KIF16B: variants seen among roughly 807,000 people sequenced by gnomAD.
KIF16B encodes the protein kinesin-like protein KIF16B.
A neutral mutation model predicts 156.3 loss-of-function variants in KIF16B; 98 were observed. That is an observed-to-expected ratio of 0.63 (90% CI 0.53 to 0.74). The LOEUF is 0.74. Among genes scored for constraint, KIF16B ranks in the 30% least tolerant of loss-of-function variants. The probability of loss-of-function intolerance (pLI) is 0.00; values close to 1 mark genes in which losing one functional copy is unlikely to be tolerated. For missense variants in KIF16B, 1,421 were observed against 1,606.5 expected (o/e 0.88, Z 1.97); for synonymous variants, 564 against 583.7 (o/e 0.97, Z 0.49).
intron 1 of KIF16B, among the ~76,000 whole-genome samples, chr20:16,553,056 G>A (rs1377129585): frequency 6.6e-6 from 1 of 152,186 alleles, no homozygotes; most frequent in Non-Finnish European, 1.5e-5. Flanking sequence ...ATGAGCCACC[G>A]TACCCGGCCT....
intron 12 of KIF16B, among the ~76,000 whole-genome samples, chr20:16,449,718 G>A (rs1189116863): frequency 6.6e-6 from 1 of 152,176 alleles, no homozygotes; most frequent in Non-Finnish European, 1.5e-5. Context: ...ATACAATTAT[G>A]AATAACAGGA....
intron 24 of KIF16B, among the ~76,000 whole-genome samples, chr20:16,315,200 A>G (rs1273967985): frequency 1.3e-5 from 2 of 152,274 alleles, no homozygotes; most frequent in East Asian, 3.9e-4. Context: ...AGATGGAGGA[A>G]GCATTCTGTG....
At chr20:16,483,975 C>T (rs1417768925) in intron 12 of KIF16B, among the ~76,000 whole-genome samples, 1 of 152,080 alleles carries the variant, frequency 6.6e-6, no homozygotes, top group Non-Finnish European at 1.5e-5. Flanking sequence ...AATGCAGCAT[C>T]CGCTGAGTAC....
At chr20:16,366,740 C>T in intron 22 of KIF16B, 1 of 660,812 alleles carries the variant, frequency 1.5e-6, no homozygotes, top group Non-Finnish European at 1.9e-6. Context: ...ATGAAGGTCA[C>T]TGCTAGACTG....
At chr20:16,325,571 A>C (rs2063833137) in intron 24 of KIF16B, among the ~76,000 whole-genome samples, 1 of 147,298 alleles carries the variant, frequency 6.8e-6, no homozygotes, top group Non-Finnish European at 1.5e-5. Context: ...AAAAAAAAAA[A>C]ACTTAGAAAT....
intron 12 of KIF16B, among the ~76,000 whole-genome samples, chr20:16,445,591 A>T (rs1477085093): frequency 6.6e-6 from 1 of 151,910 alleles, no homozygotes; most frequent in Non-Finnish European, 1.5e-5. Flanking sequence ...AGCCTTGATG[A>T]CCTTTTTCTG....
At chr20:16,554,022 G>A (rs990638682) in intron 1 of KIF16B, among the ~76,000 whole-genome samples, 14 of 152,200 alleles carry the variant, frequency 9.2e-5, no homozygotes, top group East Asian at 1.9e-4. Flanking sequence ...GCAGCTCAGC[G>A]CCGGCCTGCA....
chr20:16,349,879 T>C, intron 23 of KIF16B, among the ~76,000 whole-genome samples: 1 of 152,216 alleles, frequency 6.6e-6, no homozygotes, highest in South Asian at 2.1e-4. Flanking sequence ...CTGACTGAAA[T>C]TAGAAGGGGG....
Position 16,506,197 on chromosome 20 carries a change from TA to T in KIF16B, c.700-8del. The T allele has an allele frequency of 6.2e-7, 1 of 1,613,630 alleles. No individual in the cohort carries two copies. The highest frequency in any genetic ancestry group is 8.5e-7 in the Non-Finnish European group (1 of 1,179,578). ...TTTCAGAATCAAATTTAGCCTGTGG[TA>T]AAATAAAAAAGTAAAATTGAAGAGG... On this transcript the variant is annotated splice_region_variant and splice_polypyrimidine_tract_variant and intron_variant, in intron 7 of 25. Transcript: ENST00000354981.
At chr20:16,526,883 TA>T (rs1216613714) in intron 2 of KIF16B, among the ~76,000 whole-genome samples, 1 of 152,188 alleles carries the variant, frequency 6.6e-6, no homozygotes, top group Non-Finnish European at 1.5e-5. Flanking sequence ...ATTCACATAT[TA>T]TAAAAAAATT....
At chr20:16,304,104 G>A (rs2063509049) in intron 25 of KIF16B, among the ~76,000 whole-genome samples, 1 of 152,206 alleles carries the variant, frequency 6.6e-6, no homozygotes, top group African/African-American at 2.4e-5. Context: ...AAAAATGGCA[G>A]AGTACAACTG....
intron 19 of KIF16B, 150 bp from the exon 20 acceptor site, chr20:16,374,559 AC>A (rs2064900559): frequency 1.5e-6 from 1 of 668,742 alleles, no homozygotes; most frequent in Non-Finnish European, 2.2e-6. Context: ...GGTGCCACAT[AC>A]CCATAAGACA....
At chr20:16,373,037 T>C (rs1241826934) in intron 20 of KIF16B, among the ~76,000 whole-genome samples, 1 of 152,206 alleles carries the variant, frequency 6.6e-6, no homozygotes. Context: ...CATGTTTATA[T>C]CTTATCACAT....
At chr20:16,471,783 G>C (rs2067669196) in intron 12 of KIF16B, among the ~76,000 whole-genome samples, 3 of 152,188 alleles carry the variant, frequency 2.0e-5, no homozygotes, top group Non-Finnish European at 2.9e-5. Context: ...TTCACTGTGA[G>C]ACAGAAAGTA....
chr20:16,393,431 T>C (rs2065418171), intron 17 of KIF16B, among the ~76,000 whole-genome samples: 1 of 152,234 alleles, frequency 6.6e-6, no homozygotes. Context: ...CAATTAACCT[T>C]AGGTCATGAG....
chr20:16,408,935 T>C (rs2065852482), intron 15 of KIF16B, among the ~76,000 whole-genome samples: 1 of 152,154 alleles, frequency 6.6e-6, no homozygotes, highest in Non-Finnish European at 1.5e-5. Flanking sequence ...AAATATTTAA[T>C]GAACACTTAC....
intron 24 of KIF16B, among the ~76,000 whole-genome samples, chr20:16,315,749 TC>T (rs2122739599): frequency 6.6e-6 from 1 of 152,144 alleles, no homozygotes; most frequent in South Asian, 2.1e-4. Context: ...ATCTTACCCC[TC>T]TCCAAGTAAA....
Position 16,379,652 on chromosome 20 carries a change from C to A in KIF16B, c.2350G>T (p.Val784Leu), listed in dbSNP as rs774581914. The change falls in exon 19 of 26, where the codon GTA (valine) becomes TTA (leucine). Residue 784 changes from valine to leucine, a missense_variant. Coordinates refer to ENST00000354981, the MANE Select transcript of KIF16B (RefSeq NM_024704.5). ...EMIQLLRRGE[V>L]QWVEEEKRDL... is the part of the protein sequence containing the mutation. ...CTCTTCTCCTCTTCCACCCACTGTACCTCCCCACGCCGCAGGAGCTGGATC... is the reference window on the plus strand; with the variant it reads ...CTCTTCTCCTCTTCCACCCACTGTAACTCCCCACGCCGCAGGAGCTGGATC... 3 of 1,614,044 alleles carry A rather than the reference C, an allele frequency of 1.9e-6. No individual in the cohort carries two copies. The African/African-American group carries it at 4.0e-5, about 22-fold the overall frequency.
At chr20:16,328,462 T>C (rs1486395995) in intron 24 of KIF16B, among the ~76,000 whole-genome samples, 4 of 152,180 alleles carry the variant, frequency 2.6e-5, no homozygotes, top group Admixed American at 2.0e-4. Flanking sequence ...ATTGTACATT[T>C]TAATACATGA....
Sources: allele counts gnomAD v4.1 joint callset (sites outside exome capture counted in the v4.1 genomes callset), GRCh38; gene constraint gnomAD v4.1.1; transcripts MANE v1.5; gene names NCBI Gene and HGNC (gene_info 2026-07-23, HGNC 2026-07-21).